The following IL1R1 variants were observed in gnomAD, a reference collection of about 807,000 sequenced individuals.
The protein encoded by IL1R1 is interleukin 1 receptor type 1.
IL1R1 carries 22 observed loss-of-function variants against 50.2 expected under a neutral mutation model. That is an observed-to-expected ratio of 0.44 (90% confidence interval 0.31 to 0.63). IL1R1 has a LOEUF of 0.63. Ranked by LOEUF, IL1R1 falls within the 20% of genes least tolerant of loss-of-function variation. The probability of loss-of-function intolerance (pLI) is 0.07; values close to 1 mark genes in which losing one functional copy is unlikely to be tolerated. For synonymous variants in IL1R1, 251 were observed against 236.7 expected (o/e 1.06, Z -0.55); for missense variants, 509 against 676.2 (o/e 0.75, Z 2.74).
chr2:102,113,193 G>C (rs1680874122), intron 1 of IL1R1, among the ~76,000 whole-genome samples: 1 of 152,232 alleles, frequency 6.6e-6, no homozygotes, highest in Admixed American at 6.5e-5. Flanking sequence ...CTTTCAGTAA[G>C]GATTTTAGTA....
intron 9 of IL1R1, among the ~76,000 whole-genome samples, chr2:102,174,023 T>A (rs2104636445): frequency 6.6e-6 from 1 of 152,324 alleles, no homozygotes; most frequent in African/African-American, 2.4e-5. Flanking sequence ...CTTTTCTGGA[T>A]GCTTTTACAT....
intron 1 of IL1R1, among the ~76,000 whole-genome samples, chr2:102,137,330 C>G (rs936086479): frequency 6.6e-6 from 1 of 152,162 alleles, no homozygotes; most frequent in African/African-American, 2.4e-5. Context: ...ATTATTATCT[C>G]TCATGATTTT....
chr2:102,130,550 C>T (rs1164511632), intron 1 of IL1R1, among the ~76,000 whole-genome samples: 1 of 152,182 alleles, frequency 6.6e-6, no homozygotes, highest in Non-Finnish European at 1.5e-5. Context: ...TAACTTCTCT[C>T]TCTGCCTCTA....
chr2:102,101,598 T>C (rs956511796), upstream of IL1R1, among the ~76,000 whole-genome samples: 2 of 152,232 alleles, frequency 1.3e-5, no homozygotes, highest in African/African-American at 4.8e-5. Flanking sequence ...ACACATGGAT[T>C]ACAGCCACAT....
intron 1 of IL1R1, among the ~76,000 whole-genome samples, chr2:102,128,257 A>G (rs1395595878): frequency 1.3e-5 from 2 of 152,196 alleles, no homozygotes; most frequent in Non-Finnish European, 2.9e-5. Context: ...ACATCACACT[A>G]TGAGTTTATG....
intron 1 of IL1R1, among the ~76,000 whole-genome samples, chr2:102,151,018 G>A (rs1683603051): frequency 6.6e-6 from 1 of 152,132 alleles, no homozygotes; most frequent in Non-Finnish European, 1.5e-5. Flanking sequence ...AATGTTACTG[G>A]TATTTTCTAA....
chr2:102,141,124 C>T (rs1002438777), upstream of IL1R1, among the ~76,000 whole-genome samples: 3 of 152,194 alleles, frequency 2.0e-5, no homozygotes, highest in East Asian at 3.9e-4. Context: ...GAGCCAGGCC[C>T]ACCTGCTGTA....
intron 1 of IL1R1, among the ~76,000 whole-genome samples, chr2:102,124,584 G>A (rs1439891249): frequency 6.6e-6 from 1 of 152,180 alleles, no homozygotes; most frequent in African/African-American, 2.4e-5. Flanking sequence ...GCAGGCGGGA[G>A]AAGTGAAGTG....
intron 1 of IL1R1, among the ~76,000 whole-genome samples, chr2:102,132,787 G>A (rs551639143): frequency 1.9e-4 from 29 of 152,004 alleles, no homozygotes; most frequent in Non-Finnish European, 2.6e-4. Flanking sequence ...ACCACAAATA[G>A]TAAAAGAATA....
chr2:102,124,943 GA>G (rs1056143615), intron 1 of IL1R1, among the ~76,000 whole-genome samples: 2 of 152,042 alleles, frequency 1.3e-5, no homozygotes, highest in African/African-American at 4.8e-5. Flanking sequence ...AAGACCTCCT[GA>G]GACTCACCCA....
chr2:102,149,528 T>C (rs1199635459), intron 1 of IL1R1, among the ~76,000 whole-genome samples: 1 of 152,122 alleles, frequency 6.6e-6, no homozygotes, highest in African/African-American at 2.4e-5. Context: ...GTGTGGAAGG[T>C]CAAGAGGATG....
upstream of IL1R1, among the ~76,000 whole-genome samples, chr2:102,102,344 C>T (rs1479723372): frequency 6.6e-6 from 1 of 152,152 alleles, no homozygotes; most frequent in African/African-American, 2.4e-5. Flanking sequence ...GGGCTCTACC[C>T]CTGCCTGACT....
intron 1 of IL1R1, among the ~76,000 whole-genome samples, chr2:102,088,757 C>G (rs978833409): frequency 1.3e-5 from 2 of 152,180 alleles, no homozygotes; most frequent in African/African-American, 2.4e-5. Flanking sequence ...AGTGTAGCCA[C>G]CTTCATCAAT....
intron 1 of IL1R1, among the ~76,000 whole-genome samples, chr2:102,123,735 G>A (rs1352089179): frequency 1.3e-5 from 2 of 151,912 alleles, no homozygotes; most frequent in East Asian, 1.9e-4. Context: ...CCGAGATCAC[G>A]CCATTGCACT....
intron 1 of IL1R1, among the ~76,000 whole-genome samples, chr2:102,143,459 G>A (rs1447419237): frequency 2.0e-5 from 3 of 152,228 alleles, no homozygotes; most frequent in Admixed American, 6.5e-5. Flanking sequence ...TGGTGCTAGG[G>A]AATGTAGCTA....
chr2:102,116,482 A>G (rs2104381397), intron 1 of IL1R1, among the ~76,000 whole-genome samples: 1 of 152,352 alleles, frequency 6.6e-6, no homozygotes, highest in East Asian at 1.9e-4. Flanking sequence ...CTCTTCTGCA[A>G]ATAGCATTTC....
At chr2:102,128,799 A>G (rs535765467) in intron 1 of IL1R1, among the ~76,000 whole-genome samples, 18 of 152,320 alleles carry the variant, frequency 1.2e-4, no homozygotes, top group Non-Finnish European at 2.6e-4. Flanking sequence ...GTGAAGGGGG[A>G]AAACGATCAG....
chr2:102,090,380 G>A (rs1679614391), intron 1 of IL1R1, among the ~76,000 whole-genome samples: 3 of 152,032 alleles, frequency 2.0e-5, no homozygotes, highest in African/African-American at 4.8e-5. Context: ...AAAACGTTTG[G>A]CCACTATCTC....
intron 1 of IL1R1, among the ~76,000 whole-genome samples, chr2:102,076,787 T>C (rs980576634): frequency 2.6e-5 from 4 of 152,152 alleles, no homozygotes; most frequent in African/African-American, 9.6e-5. Flanking sequence ...GTCTTCATAT[T>C]TTTTGTATTA....
Sources: gnomAD v4.1 joint callset for allele counts (sites outside exome capture counted in the v4.1 genomes callset) on GRCh38, gnomAD v4.1.1 for gene constraint, MANE v1.5 for transcripts, NCBI Gene and HGNC (gene_info 2026-07-23, HGNC 2026-07-21) for gene names.